SETD1A: variants seen among roughly 807,000 people sequenced by gnomAD.
SETD1A encodes the protein histone-lysine N-methyltransferase SETD1A.
In SETD1A, 29 loss-of-function variants were observed where a neutral mutation model predicts 149.9. The ratio of observed to expected loss-of-function variants is 0.19; its 90% CI spans 0.14 to 0.26. The LOEUF is 0.26. SETD1A is among the 10% of genes least tolerant of loss of function. The pLI, the probability that SETD1A is intolerant of heterozygous loss-of-function variation, is 1.00. For synonymous variants in SETD1A, 1,141 were observed against 968.5 expected (o/e 1.18, Z -3.31); for missense variants, 2,109 against 2,353.1 (o/e 0.90, Z 2.15).
Position 30,964,998 on chromosome 16 carries a change from G to A in SETD1A, c.1256G>A (p.Arg419Gln), listed in dbSNP as rs771940541. Residue 419 changes from arginine to glutamine, a missense_variant, in exon 7 of 19, where the codon CGG becomes CAG. By Grantham distance (43) the Arg-to-Gln change is conservative. Around this residue, in one of 8 missense-constraint regions of SETD1A, gnomAD observed 410 missense variants for 394.8 expected, o/e 1.04. Transcript: ENST00000262519. ...YTSYLPPEPS[R>Q]PTDQDYRPPA... is the part of the protein sequence containing the mutation. ...TCCTACCTGCCCCCCGAGCCCAGCC[G>A]GCCCACCGACCAGGACTACCGGCCT... 27 of 1,613,498 alleles carry A rather than the reference G, an allele frequency of 1.7e-5. No homozygotes were observed. The highest frequency in any genetic ancestry group is 1.6e-4 in the Middle Eastern group (1 of 6,062).
chr16:30,963,338 T>C, intron 4 of SETD1A, 95 bp from the exon 5 acceptor site: 2 of 1,216,086 alleles, frequency 1.6e-6, no homozygotes, highest in Non-Finnish European at 1.1e-6. Context: ...TCCAAGAAAT[T>C]GTAGGAAACT....
At position 30,980,619 on chromosome 16, in the gene SETD1A, C is replaced by T. The variant is rs776561252; in HGVS notation, c.4543C>T (p.Pro1515Ser). 1.2e-6 allele frequency: 2 copies of T among 1,613,828 alleles called. No individual in the cohort carries two copies. Among genetic ancestry groups the T allele is most frequent in the Non-Finnish European group, 1.7e-6 (2 of 1,180,018 alleles). Residue 1515 changes from proline to serine, a missense_variant, in exon 15 of 19, where the codon CCA (proline) becomes TCA (serine). Around this residue, in one of 8 missense-constraint regions of SETD1A, gnomAD observed 254 missense variants for 409.3 expected, o/e 0.62. Transcript: ENST00000262519. This position sits in a 1 kb window ranked among gnomAD's most constrained non-coding sequence, Gnocchi z 7.7. ...GAAGGACAAGTACCTGGACGTGTGC[C>T]CAGTCTCGGCCCGGCAGCTGGAGGG... ...KEKDKYLDVC[P>S]VSARQLEGVD...
chr16:30,971,920 G>C (rs561693038), intron 13 of SETD1A, among the ~76,000 whole-genome samples: 1 of 152,324 alleles, frequency 6.6e-6, no homozygotes, highest in African/African-American at 2.4e-5. Context: ...GTGGTTTACA[G>C]AACCCCAGGC....
intron 12 of SETD1A, among the ~76,000 whole-genome samples, chr16:30,970,394 A>G (rs1398715293): frequency 6.6e-6 from 1 of 151,018 alleles, no homozygotes; most frequent in East Asian, 1.9e-4. Context: ...CAGCCTCCCA[A>G]AGCGCTGGGA....
At chr16:30,959,988 T>C (rs1370699422) in intron 3 of SETD1A, among the ~76,000 whole-genome samples, 1 of 152,186 alleles carries the variant, frequency 6.6e-6, no homozygotes, top group African/African-American at 2.4e-5. Context: ...CCTCTACTCA[T>C]ATGTGGCAGT....
At position 30,961,626 on chromosome 16, in the gene SETD1A, G is replaced by T; in HGVS notation, c.517+89G>T. On this transcript the variant is annotated intron_variant, in intron 4 of 18. Coordinates refer to ENST00000262519, the MANE Select transcript of SETD1A (RefSeq NM_014712.3). The surrounding 1 kb of genome is among the most constrained non-coding windows in gnomAD (Gnocchi z 4.0). ...TGTCAGGGTCAGGCAGGCGCCCAGG[G>T]TCATGATCTGAAACTGCTGGGGCCA... 7.9e-7 allele frequency: 1 copy of T among 1,267,300 alleles called. No homozygotes were observed. The allele number at this position is 1,267,300 out of a possible 1,614,324, so 78.5% of individuals were successfully genotyped here. A position where few individuals can be genotyped will look rare whatever the true frequency, so the allele number is the denominator to read the frequency against.
At chr16:30,974,229 G>A (rs964830614) in intron 13 of SETD1A, among the ~76,000 whole-genome samples, 2 of 152,248 alleles carry the variant, frequency 1.3e-5, no homozygotes, top group South Asian at 2.1e-4. Flanking sequence ...ACTGATGAGT[G>A]TAGTTGAGGT....
chr16:30,960,824 C>G (rs999237843), intron 3 of SETD1A, among the ~76,000 whole-genome samples: 6 of 148,060 alleles, frequency 4.1e-5, no homozygotes, highest in Non-Finnish European at 5.9e-5. Context: ...CAACCTCTGC[C>G]TGCCAGGTTC....
chr16:30,975,869 C>T (rs2056278457), intron 13 of SETD1A, among the ~76,000 whole-genome samples: 1 of 151,982 alleles, frequency 6.6e-6, no homozygotes, highest in Non-Finnish European at 1.5e-5. Flanking sequence ...TTAGCTTTTC[C>T]AAGTAGATGA....
intron 6 of SETD1A, 44 bp downstream of exon 6, chr16:30,964,367 G>C: frequency 2.0e-6 from 3 of 1,496,078 alleles, no homozygotes; most frequent in Non-Finnish European, 2.8e-6. Flanking sequence ...CAAAGTCTGG[G>C]AGCTGCCACT....
chr16:30,969,293 C>G lies in SETD1A; in HGVS notation c.2771-12C>G. Reference sequence around the variant, plus strand: ...ATGGTAAATTTCCCCAACTACCACTCTGCTGGCCTAGACCCTGAACAAGAG... The same window carrying G: ...ATGGTAAATTTCCCCAACTACCACTGTGCTGGCCTAGACCCTGAACAAGAG... On this transcript the variant is annotated splice_polypyrimidine_tract_variant and intron_variant, in intron 10 of 18. Transcript: ENST00000262519. 6.2e-7 allele frequency: 1 copy of G among 1,610,908 alleles called. No individual in the cohort carries two copies. The highest frequency in any genetic ancestry group is 1.3e-5 in the African/African-American group (1 of 74,922).
rs750804338 is a variant in SETD1A, at chr16:30,979,295, T to C, written c.3509T>C (p.Phe1170Ser). ...AAGAAACGCCGGAAAACTGTCTCCT[T>C]CTCTGCCATCGAGGTGGTGCCAGCC... ...PPKKRRKTVS[F>S]SAIEVVPAPE... Residue 1170 changes from phenylalanine to serine, a missense_variant, in exon 14 of 19, where the codon TTC (phenylalanine) becomes TCC (serine). Physicochemically the swap from Phe to Ser is radical, Grantham distance 155. Around this residue, in one of 8 missense-constraint regions of SETD1A, gnomAD observed 832 missense variants for 815.6 expected, o/e 1.02. Coordinates refer to ENST00000262519, the MANE Select transcript of SETD1A (RefSeq NM_014712.3). 1.2e-5 allele frequency: 19 copies of C among 1,613,134 alleles called. No individual in the cohort carries two copies. Among genetic ancestry groups the C allele is most frequent in the East Asian group, 2.2e-5 (1 of 44,814 alleles).
intron 10 of SETD1A, among the ~76,000 whole-genome samples, chr16:30,968,910 G>A (rs1350986854): frequency 1.3e-5 from 2 of 152,124 alleles, no homozygotes; most frequent in East Asian, 3.9e-4. Context: ...TTCAATACCA[G>A]CCTGAGCAAC....
rs201670720 is a variant in SETD1A at position 30,966,109 on chromosome 16, A to G, written c.2228A>G (p.Tyr743Cys). Residue 743 changes from tyrosine (Y) to cysteine (C), a missense_variant, in exon 8 of 19, where the codon TAC becomes TGC. Transcript: ENST00000262519. Reference sequence around the variant, plus strand: ...CAGGGGCAGGAGGGCAGAGGGGCATACTCACGGGAGGCCTACCACCTGCCC... The same window carrying G: ...CAGGGGCAGGAGGGCAGAGGGGCATGCTCACGGGAGGCCTACCACCTGCCC... ...YAQGQEGRGA[Y>C]SREAYHLPMP... 3.2e-4 allele frequency: 516 copies of G among 1,597,932 alleles called. No individual in the cohort carries two copies. The highest frequency in any genetic ancestry group is 4.2e-4 in the Non-Finnish European group (496 of 1,170,928).
Position 30,958,783 on chromosome 16 carries a change from C to A in SETD1A, c.52C>A (p.Arg18=). 1 of 1,614,112 alleles carries A rather than the reference C, an allele frequency of 6.2e-7. No homozygotes were observed. Among genetic ancestry groups the A allele is most frequent in the Non-Finnish European group, 8.5e-7 (1 of 1,179,964 alleles). Residue 18 remains arginine (R), a synonymous_variant, in exon 2 of 19, where the codon CGG becomes AGG. Transcript: ENST00000262519. ...DGQKAPSFQW[R]NYKLIVDPAL... ...GCAGAAGGCCCCGAGCTTCCAGTGG[C>A]GGAACTACAAGCTCATCGTGGATCC...
chr16:30,974,709 TAGAA>T (rs2056263479), intron 13 of SETD1A, among the ~76,000 whole-genome samples: 1 of 152,014 alleles, frequency 6.6e-6, no homozygotes. Context: ...CTTGCTGAGA[TAGAA>T]AGGAGAGTTG....
chr16:30,961,471 A>G lies in SETD1A; in HGVS notation c.451A>G (p.Thr151Ala). Residue 151 changes from threonine (T) to alanine (A), a missense_variant, in exon 4 of 19, where the codon ACG becomes GCG. By Grantham distance (58) the Thr-to-Ala change is moderately conservative (BLOSUM62 0). This residue lies in a region of SETD1A where 62 missense variants were observed against 149.5 expected (regional missense o/e 0.41). Transcript: ENST00000262519. The surrounding 1 kb of genome is among the most constrained non-coding windows in gnomAD (Gnocchi z 4.0). The part of the protein sequence containing the change: ...LFTSTRGAKE[T>A]VKNLHLTSVM... The stretch of plus-strand genomic sequence containing the variant: ...CACCAGCACTCGGGGCGCCAAGGAA[A>G]CGGTCAAAAACCTCCACCTTACCTC... The G allele has an allele frequency of 6.2e-7, 1 of 1,614,176 alleles. No individual in the cohort carries two copies. Among genetic ancestry groups the G allele is most frequent in the East Asian group, 2.2e-5 (1 of 44,878 alleles).
chr16:30,975,887 G>C (rs2056278628), intron 13 of SETD1A, among the ~76,000 whole-genome samples: 1 of 152,090 alleles, frequency 6.6e-6, no homozygotes, highest in Non-Finnish European at 1.5e-5. Context: ...TGAGGTTTGG[G>C]CATGTTCCAC....
In SETD1A at chr16:30,980,229, G is replaced by C. The variant is rs993410020; in HGVS notation, c.4408+35G>C. 6.4e-7 allele frequency: 1 copy of C among 1,565,226 alleles called. No homozygotes were observed. Among genetic ancestry groups the C allele is most frequent in the Non-Finnish European group, 8.7e-7 (1 of 1,154,122 alleles). ...GTGTGGGCGGCCTTCCCCGGGCTTG[G>C]GTCCTCCCCCGACCCCTCCAGGCAC... On this transcript the variant is annotated intron_variant, in intron 14 of 18. Transcript: ENST00000262519. The surrounding 1 kb of genome is among the most constrained non-coding windows in gnomAD (Gnocchi z 7.7).
Sources: gnomAD v4.1 joint callset for allele counts (sites outside exome capture counted in the v4.1 genomes callset) on GRCh38, gnomAD v4.1.1 for gene constraint, gnomAD v4.1.1 regional missense constraint, Gnocchi (gnomAD v3.1) non-coding constraint, MANE v1.5 for transcripts, NCBI Gene and HGNC (gene_info 2026-07-23, HGNC 2026-07-21) for gene names.